Variants in STAU2 observed in about 807,000 individuals in gnomAD.
The protein encoded by STAU2 is staufen double-stranded RNA binding protein 2, also known as double-stranded RNA-binding protein Staufen homolog 2.
STAU2 carries 20 observed loss-of-function variants against 65.9 expected under a neutral mutation model. The observed-to-expected ratio is 0.30, with a 90% CI of 0.21 to 0.44. The LOEUF is 0.44. Ranked by LOEUF, STAU2 falls within the 20% of genes least tolerant of loss-of-function variation. STAU2 has a pLI of 1.00. For synonymous variants in STAU2, 232 were observed against 233.9 expected, an observed-to-expected ratio of 0.99 and a Z score of 0.07; for missense variants, 558 against 683.9, an observed-to-expected ratio of 0.82 and a Z score of 2.05.
intron 9 of STAU2, among the ~76,000 whole-genome samples, chr8:73,604,560 C>T (rs544080158): frequency 8.5e-5 from 13 of 152,080 alleles, no homozygotes; most frequent in African/African-American, 2.9e-4. Flanking sequence ...AAAGACGTAT[C>T]CGGTATCCAA....
At chr8:73,537,237 C>A (rs1806238229) in intron 13 of STAU2, among the ~76,000 whole-genome samples, 1 of 152,046 alleles carries the variant, frequency 6.6e-6, no homozygotes, top group Non-Finnish European at 1.5e-5. Flanking sequence ...CTTCAAGGGT[C>A]TGTGAGATCA....
intron 3 of STAU2, among the ~76,000 whole-genome samples, chr8:73,724,652 GT>G (rs1411620667): frequency 1.2e-5 from 1 of 85,508 alleles, no homozygotes; most frequent in African/African-American, 4.4e-5. Context: ...TGTTCAGTAG[GT>G]TGTGTGTGTG....
At chr8:73,627,088 C>T (rs974761681) in intron 6 of STAU2, among the ~76,000 whole-genome samples, 2 of 151,534 alleles carry the variant, frequency 1.3e-5, no homozygotes, top group Non-Finnish European at 2.9e-5. Context: ...ATCTGGGGGC[C>T]TCTTCTTCCA....
intron 6 of STAU2, chr8:73,651,610 C>A: frequency 3.0e-6 from 2 of 656,136 alleles, no homozygotes; most frequent in Non-Finnish European, 5.5e-6. Context: ...TGTCCCCTGG[C>A]TCCTTCTGGG....
At chr8:73,447,096 C>T (rs116874807) in intron 13 of STAU2, among the ~76,000 whole-genome samples, 1,700 of 152,272 alleles carry the variant, frequency 0.011, 21 homozygotes, top group Non-Finnish European at 0.016. Flanking sequence ...GAGGCATGTG[C>T]TGCCACGTCC....
chr8:73,552,687 G>C (rs1268887450), intron 12 of STAU2, among the ~76,000 whole-genome samples: 1 of 152,042 alleles, frequency 6.6e-6, no homozygotes, highest in Non-Finnish European at 1.5e-5. Context: ...TCATAAAAGA[G>C]GCATGAAACC....
intron 10 of STAU2, among the ~76,000 whole-genome samples, chr8:73,598,794 T>C (rs1811406971): frequency 6.6e-6 from 1 of 152,136 alleles, no homozygotes; most frequent in Non-Finnish European, 1.5e-5. Flanking sequence ...AGATGAATTA[T>C]AAGAATTGAT....
intron 13 of STAU2, among the ~76,000 whole-genome samples, chr8:73,529,590 A>C (rs1413885029): frequency 2.0e-5 from 3 of 152,180 alleles, no homozygotes; most frequent in Middle Eastern, 3.2e-3. Flanking sequence ...CAGTCAAAAA[A>C]ATAAACTTTA....
chr8:73,646,635 G>A (rs898915035), intron 6 of STAU2, among the ~76,000 whole-genome samples: 7 of 151,992 alleles, frequency 4.6e-5, no homozygotes, highest in Admixed American at 1.3e-4. Flanking sequence ...GAAAACCTAG[G>A]AGAACACCTT....
chr8:73,729,549 A>G (rs1390349600), intron 3 of STAU2, among the ~76,000 whole-genome samples: 5 of 152,096 alleles, frequency 3.3e-5, no homozygotes, highest in Admixed American at 2.0e-4. Context: ...AATCCACCAG[A>G]GAAGCAATAT....
In STAU2 at chr8:73,443,848, TTAAA is replaced by T. The variant is rs200776252; in HGVS notation, c.1531-21150_1531-21147del. Among the ~76,000 whole-genome samples, 1,003 of 116,722 alleles carry T rather than the reference TTAAA, an allele frequency of 8.6e-3. 6 individuals are homozygous for T. The highest frequency in any genetic ancestry group is 0.03 in the African/African-American group (963 of 31,836). 76.6% of individuals were successfully genotyped at this position (116,722 alleles called of 152,430 possible). A position where few individuals can be genotyped will look rare whatever the true frequency, so the allele number is the denominator to read the frequency against. ...AGGTGACAGAGTGACACCCTGTCTC[TTAAA>T]AAAAAAAAAAAGTAGTGACTTGTGA... is the stretch of plus-strand genomic sequence containing the variant. On this transcript the variant is annotated intron_variant, in intron 13 of 14. Transcript: ENST00000524300.
intron 9 of STAU2, among the ~76,000 whole-genome samples, chr8:73,605,898 C>T (rs182420867): frequency 6.9e-6 from 1 of 144,642 alleles, no homozygotes; most frequent in Non-Finnish European, 1.5e-5. Context: ...CACACACACA[C>T]ACACACACAC....
At chr8:73,536,982 G>C (rs1308565821) in intron 13 of STAU2, among the ~76,000 whole-genome samples, 7 of 152,172 alleles carry the variant, frequency 4.6e-5, no homozygotes, top group African/African-American at 1.7e-4. Context: ...ACAGATGATA[G>C]ACTTATCTGA....
At chr8:73,693,093 G>A (rs1284278912) in intron 4 of STAU2, among the ~76,000 whole-genome samples, 1 of 152,054 alleles carries the variant, frequency 6.6e-6, no homozygotes, top group Non-Finnish European at 1.5e-5. Context: ...CCCAGGAGAT[G>A]AACGCTGCAG....
chr8:73,473,508 T>C (rs1276177179), intron 13 of STAU2, among the ~76,000 whole-genome samples: 1 of 152,158 alleles, frequency 6.6e-6, no homozygotes, highest in Non-Finnish European at 1.5e-5. Flanking sequence ...GTCCAAGCAA[T>C]GTGCACACTG....
At chr8:73,576,323 T>C (rs1290496286) in intron 12 of STAU2, among the ~76,000 whole-genome samples, 1 of 151,960 alleles carries the variant, frequency 6.6e-6, no homozygotes, top group Non-Finnish European at 1.5e-5. Context: ...AACAAAATAA[T>C]CTTAAATTGC....
At chr8:73,720,083 T>A (rs1203133527) in intron 3 of STAU2, among the ~76,000 whole-genome samples, 2 of 152,118 alleles carry the variant, frequency 1.3e-5, no homozygotes, top group Middle Eastern at 3.4e-3. Context: ...TGGAGACCAG[T>A]CAGTACAACA....
chr8:73,625,628 G>C (rs1813581187), intron 6 of STAU2, among the ~76,000 whole-genome samples: 1 of 152,162 alleles, frequency 6.6e-6, no homozygotes, highest in Admixed American at 6.5e-5. Flanking sequence ...TTAGACCACG[G>C]TGATGGCTGT....
intron 3 of STAU2, among the ~76,000 whole-genome samples, chr8:73,717,429 GAGTT>G (rs1298135655): frequency 3.3e-5 from 5 of 152,118 alleles, no homozygotes; most frequent in Admixed American, 2.6e-4. Context: ...AAGCCATTTT[GAGTT>G]AGTTTTCCTA....
Sources: allele counts gnomAD v4.1 joint callset (sites outside exome capture counted in the v4.1 genomes callset), GRCh38; gene constraint gnomAD v4.1.1; transcripts MANE v1.5; gene names NCBI Gene and HGNC (gene_info 2026-07-23, HGNC 2026-07-21).